AFF2: variants seen among roughly 807,000 people sequenced by gnomAD.
AFF2 encodes AF4/FMR2 family member 2.
Under a neutral mutation model 76.9 loss-of-function variants are expected in AFF2, and 14 were observed. The observed-to-expected ratio is 0.18, with a 90% CI of 0.12 to 0.28. AFF2 has a LOEUF of 0.28. Ranked by LOEUF, AFF2 falls within the 10% of genes least tolerant of loss-of-function variation. The probability of loss-of-function intolerance (pLI) is 1.00; values close to 1 mark genes in which losing one functional copy is unlikely to be tolerated. For synonymous variants in AFF2, 398 were observed against 366.7 expected (o/e 1.09, Z -0.98); for missense variants, 868 against 1,001.1 (o/e 0.87, Z 1.79).
chrX:148,581,562 A>G lies in AFF2; in HGVS notation c.48-70437A>G, dbSNP rs782611527. Among the ~76,000 whole-genome samples the G allele has an allele frequency of 2.8e-3, 141 of 50,935 alleles. 16 individuals carry two copies. The highest frequency in any genetic ancestry group is 0.011 in the Middle Eastern group (1 of 90). The allele number at this position is 50,935 out of a possible 115,157, so 44.2% of individuals were successfully genotyped here. A position where few individuals can be genotyped will look rare whatever the true frequency, so the allele number is the denominator to read the frequency against. ...CGTATACGTCTACGTGTACACACAT[A>G]TATACGTATACGTATACGTGTACAC... On this transcript the variant is annotated intron_variant, in intron 1 of 20. Coordinates refer to ENST00000370460, the MANE Select transcript of AFF2 (RefSeq NM_002025.4).
chrX:148,877,200 A>G (rs2071045126), intron 7 of AFF2, among the ~76,000 whole-genome samples: 1 of 111,940 alleles, frequency 8.9e-6, no homozygotes, highest in East Asian at 2.8e-4. Flanking sequence ...ATCTGTATCT[A>G]AAAGTGGACC....
rs1297928534 is a variant in AFF2 at position 148,993,392 on chromosome X, G to A, written c.*2060G>A. ...TGGTGTCACATATAAAAATTAAGCT[G>A]ATGACTTTGCAGTGACTCAAGTTGT... On this transcript the variant is annotated 3_prime_UTR_variant, in exon 21 of 21. Transcript: ENST00000370460. The A allele has an allele frequency of 8.9e-6, 1 of 112,214 alleles. No individual in the cohort carries two copies. Among genetic ancestry groups the A allele is most frequent in the East Asian group, 2.8e-4 (1 of 3,601 alleles). The allele number at this position is 112,214 out of a possible 1,213,427, so 9.2% of individuals were successfully genotyped here.
intron 3 of AFF2, among the ~76,000 whole-genome samples, chrX:148,702,677 C>T (rs1354571601): frequency 9.0e-6 from 1 of 111,439 alleles, no homozygotes; most frequent in Non-Finnish European, 1.9e-5. Flanking sequence ...TACACTTAAG[C>T]GAAATCTAAC....
At chrX:148,779,690 C>T (rs1218702295) in intron 3 of AFF2, among the ~76,000 whole-genome samples, 1 of 111,916 alleles carries the variant, frequency 8.9e-6, no homozygotes, top group Non-Finnish European at 1.9e-5. Flanking sequence ...TGCGTCTTGG[C>T]TCTTTATCCA....
chrX:148,888,424 G>C (rs1188849587), intron 8 of AFF2, among the ~76,000 whole-genome samples: 11 of 111,703 alleles, frequency 9.8e-5, no homozygotes, highest in Admixed American at 8.6e-4. Flanking sequence ...TCATTTGATG[G>C]ACATTTTGGT....
In AFF2 at chrX:148,879,492, A is replaced by G. The variant is rs150374020; in HGVS notation, c.1263-6397A>G. Among the ~76,000 whole-genome samples the G allele has an allele frequency of 5.4e-4, 61 of 112,071 alleles. 1 individual carries two copies. In the East Asian group the frequency reaches 0.017, roughly 31 times the overall value. Reference sequence around the variant, plus strand: ...AGGTTTCATTTGGCTACACAAGAAAAGATTTTTTGAGTTTAAGAGTTTGAA... The same window carrying G: ...AGGTTTCATTTGGCTACACAAGAAAGGATTTTTTGAGTTTAAGAGTTTGAA... On this transcript the variant is annotated intron_variant, in intron 7 of 20. Transcript: ENST00000370460.
At chrX:148,926,501 A>T (rs1400553803) in intron 9 of AFF2, among the ~76,000 whole-genome samples, 14 of 111,428 alleles carry the variant, frequency 1.3e-4, no homozygotes, top group Admixed American at 1.2e-3. Context: ...GTCTCCCTCC[A>T]CTCTAGTCAT....
At chrX:148,894,288 C>G (rs1355708710) in intron 8 of AFF2, among the ~76,000 whole-genome samples, 1 of 111,670 alleles carries the variant, frequency 9.0e-6, no homozygotes, top group African/African-American at 3.3e-5. Flanking sequence ...CCCCCTCCCC[C>G]CCAGATATCT....
chrX:148,944,250 T>A (rs1227056146), intron 9 of AFF2, among the ~76,000 whole-genome samples: 2 of 111,845 alleles, frequency 1.8e-5, no homozygotes, highest in Non-Finnish European at 3.8e-5. Flanking sequence ...GATTCCTCCA[T>A]GGAAGCAGTT....
At chrX:148,550,105 G>A (rs2052973312) in intron 1 of AFF2, among the ~76,000 whole-genome samples, 1 of 112,118 alleles carries the variant, frequency 8.9e-6, no homozygotes, top group East Asian at 2.8e-4. Flanking sequence ...GTGTGTCAGA[G>A]TTGGTAAAAT....
chrX:148,647,207 A>G (rs1180848598), intron 1 of AFF2, among the ~76,000 whole-genome samples: 2 of 112,489 alleles, frequency 1.8e-5, no homozygotes, highest in Non-Finnish European at 3.8e-5. Context: ...GCTTTTGCAA[A>G]GATATTAGCC....
chrX:148,645,761 A>C (rs1248597883), intron 1 of AFF2, among the ~76,000 whole-genome samples: 1 of 112,195 alleles, frequency 8.9e-6, no homozygotes, highest in Non-Finnish European at 1.9e-5. Context: ...ATTTATGTAC[A>C]GAAAGGTTAT....
intron 1 of AFF2, among the ~76,000 whole-genome samples, chrX:148,530,924 G>A (rs965761533): frequency 9.0e-6 from 1 of 111,726 alleles, no homozygotes; most frequent in Non-Finnish European, 1.9e-5. Context: ...GTGTTCAGCT[G>A]AGTGCTGTGG....
At chrX:148,784,101 C>G (rs782475115) in intron 3 of AFF2, among the ~76,000 whole-genome samples, 1 of 112,012 alleles carries the variant, frequency 8.9e-6, no homozygotes, top group Non-Finnish European at 1.9e-5. Context: ...TGAGGAGATA[C>G]CAACATGGCT....
At chrX:148,685,392 G>T (rs1490119422) in intron 3 of AFF2, among the ~76,000 whole-genome samples, 1 of 112,459 alleles carries the variant, frequency 8.9e-6, no homozygotes, top group Non-Finnish European at 1.9e-5. Context: ...AGGAATTATT[G>T]GAGAATGCCA....
chrX:148,560,192 A>AAC (rs2053095501), intron 1 of AFF2, among the ~76,000 whole-genome samples: 1 of 111,547 alleles, frequency 9.0e-6, no homozygotes, highest in African/African-American at 3.3e-5. Context: ...CTGGTACCAA[A>AAC]ACAGATATAT....
At chrX:148,609,658 C>T (rs2053707219) in intron 1 of AFF2, among the ~76,000 whole-genome samples, 1 of 111,831 alleles carries the variant, frequency 8.9e-6, no homozygotes, top group Non-Finnish European at 1.9e-5. Flanking sequence ...AACTCCTCTC[C>T]TTCTTACTCC....
At chrX:148,819,507 G>A (rs1557272397) in intron 4 of AFF2, among the ~76,000 whole-genome samples, 2 of 110,684 alleles carry the variant, frequency 1.8e-5, no homozygotes, top group Non-Finnish European at 3.8e-5. Flanking sequence ...ACTAAATCAG[G>A]TTGTCTATTA....
chrX:148,916,547 C>T (rs782302915), intron 9 of AFF2, among the ~76,000 whole-genome samples: 5 of 110,880 alleles, frequency 4.5e-5, no homozygotes, highest in African/African-American at 1.3e-4. Flanking sequence ...GATGGTGATT[C>T]GGAGCCATGG....
Sources: allele counts gnomAD v4.1 joint callset (sites outside exome capture counted in the v4.1 genomes callset), GRCh38; gene constraint gnomAD v4.1.1; transcripts MANE v1.5; gene names NCBI Gene and HGNC (gene_info 2026-07-23, HGNC 2026-07-21).